Variants in CSGALNACT1 observed in about 807,000 individuals in gnomAD.
CSGALNACT1 encodes the protein chondroitin sulfate N-acetylgalactosaminyltransferase 1.
A neutral mutation model predicts 51.0 loss-of-function variants in CSGALNACT1; 52 were observed. The observed-to-expected ratio is 1.02, with a 90% CI of 0.82 to 1.29. CSGALNACT1 has a LOEUF of 1.29. Ranked by LOEUF, CSGALNACT1 falls within the 50% of genes most tolerant of loss-of-function variation. The probability of loss-of-function intolerance (pLI) is 0.00; values close to 1 mark genes in which losing one functional copy is unlikely to be tolerated. For missense variants in CSGALNACT1, 935 were observed against 679.2 expected, an observed-to-expected ratio of 1.38 and a Z score of -4.19; for synonymous variants, 341 against 254.4, an observed-to-expected ratio of 1.34 and a Z score of -3.24.
chr8:19,426,353 C>G (rs1432556390), intron 6 of CSGALNACT1, among the ~76,000 whole-genome samples: 1 of 152,106 alleles, frequency 6.6e-6, no homozygotes, highest in African/African-American at 2.4e-5. Context: ...GGCACAAACC[C>G]AAGCTTTTAA....
At chr8:19,521,712 T>C (rs772842382) in intron 3 of CSGALNACT1, among the ~76,000 whole-genome samples, 1 of 152,146 alleles carries the variant, frequency 6.6e-6, no homozygotes, top group Non-Finnish European at 1.5e-5. Flanking sequence ...AACATGTACA[T>C]TTCTGAGGAT....
intron 3 of CSGALNACT1, among the ~76,000 whole-genome samples, chr8:19,575,732 G>C (rs1238710538): frequency 6.6e-6 from 1 of 152,108 alleles, no homozygotes; most frequent in Non-Finnish European, 1.5e-5. Context: ...GTATTTACGT[G>C]TGAAAGAGCA....
chr8:19,472,947 T>C (rs2068548257), intron 4 of CSGALNACT1, among the ~76,000 whole-genome samples: 1 of 152,250 alleles, frequency 6.6e-6, no homozygotes, highest in African/African-American at 2.4e-5. Flanking sequence ...TACTCAGTGA[T>C]GTTAGAAATA....
intron 3 of CSGALNACT1, among the ~76,000 whole-genome samples, chr8:19,506,390 G>C (rs764774822): frequency 3.3e-5 from 5 of 152,248 alleles, no homozygotes; most frequent in Non-Finnish European, 7.3e-5. Flanking sequence ...CAGATGGAAA[G>C]ATTAAGAGTC....
chr8:19,695,056 G>T (rs2061517899), intron 1 of CSGALNACT1, among the ~76,000 whole-genome samples: 1 of 152,102 alleles, frequency 6.6e-6, no homozygotes, highest in African/African-American at 2.4e-5. Flanking sequence ...TTTGTATTTG[G>T]ATGCTGAGAG....
At chr8:19,613,673 G>A (rs903906254) in intron 1 of CSGALNACT1, among the ~76,000 whole-genome samples, 3 of 152,168 alleles carry the variant, frequency 2.0e-5, no homozygotes, top group African/African-American at 7.2e-5. Flanking sequence ...GAAAAGTAGG[G>A]TTAACACGTT....
Position 19,643,426 on chromosome 8 carries a change from CG to C in CSGALNACT1, c.-544+39046del, listed in dbSNP as rs575355227. ...CCAAGGCAGTAGGATGACTTGAGGT[CG>C]GGAGTCCAAGACTAGCCTGGCCAAC... On this transcript the variant is annotated intron_variant, in intron 1 of 9. Transcript: ENST00000332246. Among the ~76,000 whole-genome samples, 6 of 152,150 alleles carry C rather than the reference CG, an allele frequency of 3.9e-5. No homozygotes were observed. In the South Asian group the frequency reaches 1.2e-3, roughly 32 times the overall value.
chr8:19,477,168 G>A (rs1290408118), intron 4 of CSGALNACT1, among the ~76,000 whole-genome samples: 1 of 152,196 alleles, frequency 6.6e-6, no homozygotes, highest in Non-Finnish European at 1.5e-5. Flanking sequence ...AAGAGCAGAT[G>A]CCACCATTAT....
chr8:19,612,623 G>A (rs1322525919), intron 1 of CSGALNACT1, among the ~76,000 whole-genome samples: 3 of 151,974 alleles, frequency 2.0e-5, no homozygotes, highest in East Asian at 3.9e-4. Context: ...GGGCTTTCAA[G>A]GAGTGAAAAG....
chr8:19,586,388 C>G (rs1029873649), intron 3 of CSGALNACT1, among the ~76,000 whole-genome samples: 4 of 140,818 alleles, frequency 2.8e-5, no homozygotes, highest in African/African-American at 1.1e-4. Flanking sequence ...ACAGTGGAGA[C>G]ACGCACCGTA....
intron 1 of CSGALNACT1, among the ~76,000 whole-genome samples, chr8:19,698,916 A>T (rs2061718410): frequency 6.6e-6 from 1 of 152,364 alleles, no homozygotes. Flanking sequence ...ATAAAATGCC[A>T]TAGGATTTGC....
chr8:19,510,939 A>G (rs1282714305), intron 3 of CSGALNACT1, among the ~76,000 whole-genome samples: 2 of 152,200 alleles, frequency 1.3e-5, no homozygotes, highest in Admixed American at 6.5e-5. Flanking sequence ...AGTTGCTCTC[A>G]GTTTGAGTGT....
At chr8:19,476,780 G>T (rs753160012) in intron 4 of CSGALNACT1, among the ~76,000 whole-genome samples, 31 of 152,126 alleles carry the variant, frequency 2.0e-4, no homozygotes, top group Non-Finnish European at 4.1e-4. Context: ...GATACACATG[G>T]GAACTCCAGC....
chr8:19,719,100 C>G (rs1318062277), intron 1 of CSGALNACT1, among the ~76,000 whole-genome samples: 1 of 152,210 alleles, frequency 6.6e-6, no homozygotes, highest in Non-Finnish European at 1.5e-5. Flanking sequence ...ACGAAGTACA[C>G]AGGACCTGAT....
chr8:19,660,696 A>C (rs557904082), intron 1 of CSGALNACT1, among the ~76,000 whole-genome samples: 3 of 152,140 alleles, frequency 2.0e-5, no homozygotes, highest in Non-Finnish European at 2.9e-5. Flanking sequence ...TGTTACAGGC[A>C]CATTCTCAGA....
intron 3 of CSGALNACT1, among the ~76,000 whole-genome samples, chr8:19,526,925 C>T (rs2081826784): frequency 6.6e-6 from 1 of 152,164 alleles, no homozygotes; most frequent in Admixed American, 6.5e-5. Flanking sequence ...GTTTAACAAA[C>T]ATTTACTCAG....
In CSGALNACT1 at chr8:19,674,167, A is replaced by G. The variant is rs944114429; in HGVS notation, c.-544+8306T>C. Among the ~76,000 whole-genome samples the G allele has an allele frequency of 2.6e-5, 4 of 152,126 alleles. No homozygotes were observed. In the East Asian group the frequency reaches 7.7e-4, roughly 29 times the overall value. The stretch of plus-strand genomic sequence containing the variant: ...AATTAGCCAGGTGTGGTGGCGGACA[A>G]CTGTAGTGACAGCTACTCAGGAGGC... On this transcript the variant is annotated intron_variant, in intron 1 of 9. Transcript: ENST00000332246.
intron 1 of CSGALNACT1, among the ~76,000 whole-genome samples, chr8:19,697,346 G>C (rs1027301406): frequency 8.5e-5 from 13 of 152,102 alleles, no homozygotes; most frequent in African/African-American, 2.9e-4. Context: ...ATGACATCCA[G>C]GTCTATGGCT....
chr8:19,702,811 C>T (rs931160480), intron 1 of CSGALNACT1, among the ~76,000 whole-genome samples: 4 of 152,140 alleles, frequency 2.6e-5, no homozygotes, highest in African/African-American at 9.7e-5. Context: ...GCTGAGCTGC[C>T]ATGGATCTAG....
Sources: gnomAD v4.1 joint callset for allele counts (sites outside exome capture counted in the v4.1 genomes callset) on GRCh38, gnomAD v4.1.1 for gene constraint, MANE v1.5 for transcripts, NCBI Gene and HGNC (gene_info 2026-07-23, HGNC 2026-07-21) for gene names.